The following STX6 variants were observed in gnomAD, a reference collection of about 807,000 sequenced individuals.
STX6 encodes syntaxin 6.
In STX6, 23 loss-of-function variants were observed where a neutral mutation model predicts 38.0. The observed-to-expected ratio is 0.60, with a 90% CI of 0.43 to 0.86. The LOEUF (loss-of-function observed/expected upper bound fraction) is 0.86, where lower values mean the gene tolerates loss of function less well. Ranked by LOEUF, STX6 falls within the 40% of genes least tolerant of loss-of-function variation. The pLI is 0.00. For synonymous variants in STX6, 123 were observed against 107.5 expected (o/e 1.14, Z -0.89); for missense variants, 274 against 312.9 (o/e 0.88, Z 0.94).
In STX6 at chr1:180,984,063, C is replaced by CAAAAAAAAAAA. The variant is rs10625558; in HGVS notation, c.691+603_691+613dup. Among the ~76,000 whole-genome samples, 3 of 7,166 alleles carry CAAAAAAAAAAA rather than the reference C, an allele frequency of 4.2e-4. 1 individual carries two copies. Among genetic ancestry groups the CAAAAAAAAAAA allele is most frequent in the Non-Finnish European group, 7.8e-4 (3 of 3,846 alleles). 4.7% of individuals were successfully genotyped at this position (7,166 alleles called of 152,430 possible). A position where few individuals can be genotyped will look rare whatever the true frequency, so the allele number is the denominator to read the frequency against. On this transcript the variant is annotated intron_variant, in intron 7 of 7. Transcript: ENST00000258301. ...TGGGCAACAGAGTGAGGCTCCATCT[C>CAAAAAAAAAAA]AAAAAAAAAAAAAAAAAAAAAAAAA...
chr1:180,977,041 C>T (rs944710977), intron 7 of STX6, among the ~76,000 whole-genome samples: 1 of 152,152 alleles, frequency 6.6e-6, no homozygotes, highest in African/African-American at 2.4e-5. Context: ...AAACAATAAT[C>T]ACATTCTTTT....
intron 7 of STX6, among the ~76,000 whole-genome samples, chr1:180,978,601 G>A (rs559338447): frequency 8.8e-4 from 134 of 152,254 alleles, no homozygotes; most frequent in Non-Finnish European, 1.7e-3. Flanking sequence ...GAATCACTAC[G>A]AAATACTCCA....
chr1:181,022,826 G>A lies in STX6; in HGVS notation c.-153C>T. The A allele has an allele frequency of 2.9e-6, 2 of 696,468 alleles. No homozygotes were observed. The highest frequency in any genetic ancestry group is 2.6e-5 in the Admixed American group (1 of 38,048). 43.1% of individuals were successfully genotyped at this position (696,468 alleles called of 1,614,324 possible). A position where few individuals can be genotyped will look rare whatever the true frequency, so the allele number is the denominator to read the frequency against. On this transcript the variant is annotated 5_prime_UTR_variant, in exon 1 of 8. Coordinates refer to ENST00000258301, the MANE Select transcript of STX6 (RefSeq NM_005819.6). ...GGCACGCGCACAGGCCAGGTGCACAGGACGGCCGCTGGTCCAGCACTCGCT... is the reference window on the plus strand; with the variant it reads ...GGCACGCGCACAGGCCAGGTGCACAAGACGGCCGCTGGTCCAGCACTCGCT...
chr1:181,005,335 C>T lies in STX6; in HGVS notation c.164G>A (p.Arg55Gln), dbSNP rs1006604405. The T allele has an allele frequency of 1.2e-6, 2 of 1,613,970 alleles. No individual in the cohort carries two copies. The highest frequency in any genetic ancestry group is 1.3e-5 in the African/African-American group (1 of 74,892). The change falls in exon 2 of 8, where the codon CGG becomes CAG. Residue 55 changes from arginine to glutamine, a missense_variant. Coordinates refer to ENST00000258301, the MANE Select transcript of STX6 (RefSeq NM_005819.6). ...WTTNELRNNL[R>Q]SIEWDLEDLD... is the part of the protein sequence containing the mutation. ...GTCCTCTAGATCCCACTCTATGCTC[C>T]GGAGGTTATTTCTCAGCTCGTTGGT...
chr1:180,997,429 T>C (rs913663663), intron 3 of STX6, among the ~76,000 whole-genome samples: 1 of 152,080 alleles, frequency 6.6e-6, no homozygotes, highest in Admixed American at 6.6e-5. Flanking sequence ...GGTTTGTGAC[T>C]CTACTTTTTC....
At chr1:181,022,208 C>G (rs1241627354) in intron 1 of STX6, among the ~76,000 whole-genome samples, 1 of 152,188 alleles carries the variant, frequency 6.6e-6, no homozygotes, top group South Asian at 2.1e-4. Context: ...AGCTCACCCC[C>G]GTCAACGCGA....
chr1:181,022,795 G>A lies in STX6; in HGVS notation c.-122C>T. Reference sequence around the variant, plus strand: ...CGCGCCTTAGTCTGGGTGAAGCCGAGCAGCGGGCACGCGCACAGGCCAGGT... The same window carrying A: ...CGCGCCTTAGTCTGGGTGAAGCCGAACAGCGGGCACGCGCACAGGCCAGGT... On this transcript the variant is annotated 5_prime_UTR_variant, in exon 1 of 8. Transcript: ENST00000258301. 1 of 994,852 alleles carries A rather than the reference G, an allele frequency of 1.0e-6. No homozygotes were observed. The highest frequency in any genetic ancestry group is 1.5e-6 in the Non-Finnish European group (1 of 664,296). 61.6% of individuals were successfully genotyped at this position (994,852 alleles called of 1,614,324 possible). A position where few individuals can be genotyped will look rare whatever the true frequency, so the allele number is the denominator to read the frequency against.
intron 7 of STX6, among the ~76,000 whole-genome samples, chr1:180,981,888 C>T (rs1655428731): frequency 6.6e-6 from 1 of 152,168 alleles, no homozygotes; most frequent in South Asian, 2.1e-4. Flanking sequence ...AGCTCAGGAC[C>T]TGCCTCAAAA....
rs756957940 is a variant in STX6, at chr1:180,989,969, G to C, written c.489+15C>G. 79 of 1,612,908 alleles carry C rather than the reference G, an allele frequency of 4.9e-5. No individual in the cohort carries two copies. The highest frequency in any genetic ancestry group is 1.9e-4 in the Middle Eastern group (1 of 5,318). ...TTCCCACTGGCCCGTCCTAAGTCTG[G>C]GGTCCTTGGGGTACCTGCTGCTGTG... is the stretch of plus-strand genomic sequence containing the variant. On this transcript the variant is annotated intron_variant, in intron 5 of 7. Coordinates refer to ENST00000258301, the MANE Select transcript of STX6 (RefSeq NM_005819.6).
At chr1:181,007,041 T>C (rs989454905) in intron 1 of STX6, among the ~76,000 whole-genome samples, 2 of 152,200 alleles carry the variant, frequency 1.3e-5, no homozygotes, top group African/African-American at 4.8e-5. Flanking sequence ...ATCTACTTTC[T>C]TTACTCTTTA....
rs1655222046 is a variant in STX6, at chr1:180,975,536, A to C, written c.*1034T>G. ...TCCTTGCCATTACCCACAGAGTAAGAGAAGTCTGGCCCAGAGCTAACCTTT... is the reference window on the plus strand; with the variant it reads ...TCCTTGCCATTACCCACAGAGTAAGCGAAGTCTGGCCCAGAGCTAACCTTT... On this transcript the variant is annotated 3_prime_UTR_variant, in exon 8 of 8. Coordinates refer to ENST00000258301, the MANE Select transcript of STX6 (RefSeq NM_005819.6). 1 of 152,796 alleles carries C rather than the reference A, an allele frequency of 6.5e-6. No homozygotes were observed. The highest frequency in any genetic ancestry group is 6.5e-5 in the Admixed American group (1 of 15,308). 9.5% of individuals were successfully genotyped at this position (152,796 alleles called of 1,614,324 possible).
At chr1:181,004,850 T>C (rs1194257053) in intron 2 of STX6, among the ~76,000 whole-genome samples, 28 of 151,924 alleles carry the variant, frequency 1.8e-4, no homozygotes, top group Admixed American at 1.8e-3. Flanking sequence ...GGGGGCAGTC[T>C]TGTGGGACTG....
chr1:180,989,978 G>A lies in STX6; in HGVS notation c.489+6C>T, dbSNP rs769988913. ...GCCCGTCCTAAGTCTGGGGTCCTTG[G>A]GGTACCTGCTGCTGTGCCTGCTGCT... On this transcript the variant is annotated splice_donor_region_variant and intron_variant, in intron 5 of 7. Transcript: ENST00000258301. The A allele has an allele frequency of 6.2e-6, 10 of 1,613,268 alleles. No homozygotes were observed. Among genetic ancestry groups the A allele is most frequent in the Middle Eastern group, 1.8e-4 (1 of 5,472 alleles).
chr1:180,984,598 G>C, intron 7 of STX6, 79 bp downstream of exon 7: 1 of 576,866 alleles, frequency 1.7e-6, no homozygotes, highest in Admixed American at 2.9e-5. Context: ...ATCTGGATGG[G>C]CATAACTATG....
At chr1:181,007,462 T>A (rs1229259647) in intron 1 of STX6, among the ~76,000 whole-genome samples, 1 of 152,186 alleles carries the variant, frequency 6.6e-6, no homozygotes, top group Non-Finnish European at 1.5e-5. Context: ...TATTTGTAAG[T>A]ACTGAGTATC....
At chr1:180,996,763 A>T (rs1240934342) in intron 3 of STX6, among the ~76,000 whole-genome samples, 5 of 152,066 alleles carry the variant, frequency 3.3e-5, no homozygotes, top group Non-Finnish European at 7.4e-5. Context: ...GGTAGAGATG[A>T]GGTCTCACTA....
Position 181,022,570 on chromosome 1 carries a change from A to G in STX6, c.35+69T>C, listed in dbSNP as rs996705601. The G allele has an allele frequency of 5.9e-5, 89 of 1,519,898 alleles. 1 individual carries two copies. Among genetic ancestry groups the G allele is most frequent in the African/African-American group, 2.8e-5 (2 of 71,882 alleles). The allele number at this position is 1,519,898 out of a possible 1,614,324, so 94.2% of individuals were successfully genotyped here. On this transcript the variant is annotated intron_variant, in intron 1 of 7. Coordinates refer to ENST00000258301, the MANE Select transcript of STX6 (RefSeq NM_005819.6). ...TGCCTCCCCTCCCCCCACTGCGAGA[A>G]GACCTAGGAGGTGCGGGCAGGCAGC...
In STX6 at chr1:181,012,890, T is replaced by G. The variant is rs539005240; in HGVS notation, c.36-7427A>C. ...GGTTTCTCCATGTTGGTCAGGCTGGTCTCAAACTCCTGACTTCAGGTGATC... is the reference window on the plus strand; with the variant it reads ...GGTTTCTCCATGTTGGTCAGGCTGGGCTCAAACTCCTGACTTCAGGTGATC... On this transcript the variant is annotated intron_variant, in intron 1 of 7. Coordinates refer to ENST00000258301, the MANE Select transcript of STX6 (RefSeq NM_005819.6). 2.0e-5 allele frequency among the ~76,000 whole-genome samples: 3 copies of G among 152,204 alleles called. No individual in the cohort carries two copies. The South Asian group carries it at 6.2e-4, about 32-fold the overall frequency.
chr1:181,018,388 C>CAAAAAAAAAAAAA (rs34962747), intron 1 of STX6, among the ~76,000 whole-genome samples: 29 of 43,050 alleles, frequency 6.7e-4, no homozygotes, highest in African/African-American at 1.1e-3. Context: ...GACTCTGTCC[C>CAAAAAAAAAAAAA]AAAAAAAAAA....
Sources: gnomAD v4.1 joint callset for allele counts (sites outside exome capture counted in the v4.1 genomes callset) on GRCh38, gnomAD v4.1.1 for gene constraint, MANE v1.5 for transcripts, NCBI Gene and HGNC (gene_info 2026-07-23, HGNC 2026-07-21) for gene names.